The following MAK variants were observed in gnomAD, a reference collection of about 807,000 sequenced individuals.
MAK encodes male germ cell associated kinase, also known as serine/threonine-protein kinase MAK.
Under a neutral mutation model 82.6 loss-of-function variants are expected in MAK, and 65 were observed. The observed-to-expected ratio is 0.79, with a 90% CI of 0.64 to 0.97. MAK has a LOEUF of 0.97. Among genes scored for constraint, MAK ranks in the 50% least tolerant of loss-of-function variants. The pLI is 0.00. For missense variants in MAK, 703 were observed against 780.2 expected, an observed-to-expected ratio of 0.90 and a Z score of 1.18; for synonymous variants, 250 against 274.2, an observed-to-expected ratio of 0.91 and a Z score of 0.87.
intron 9 of MAK, among the ~76,000 whole-genome samples, chr6:10,792,504 CAGAG>C (rs1775172135): frequency 6.6e-6 from 1 of 152,158 alleles, no homozygotes; most frequent in Non-Finnish European, 1.5e-5. Context: ...CTAACGGAAA[CAGAG>C]AGGGAAGTAT....
At chr6:10,804,683 A>C (rs1776273301) in intron 6 of MAK, among the ~76,000 whole-genome samples, 1 of 152,178 alleles carries the variant, frequency 6.6e-6, no homozygotes, top group Non-Finnish European at 1.5e-5. Flanking sequence ...AATTTACAAG[A>C]GCAAAGTGAG....
At chr6:10,787,080 C>A (rs35284986) in intron 10 of MAK, among the ~76,000 whole-genome samples, 3,997 of 106,914 alleles carry the variant, frequency 0.037, 218 homozygotes, top group African/African-American at 0.16. Flanking sequence ...CACTCCGCTA[C>A]TTCACCAGTT....
intron 6 of MAK, among the ~76,000 whole-genome samples, chr6:10,805,664 TTCA>T (rs1289683212): frequency 6.6e-6 from 1 of 152,322 alleles, no homozygotes; most frequent in African/African-American, 2.4e-5. Context: ...TCGAATTGGT[TTCA>T]TCATATGTTG....
intron 5 of MAK, among the ~76,000 whole-genome samples, chr6:10,809,459 G>A (rs1282308787): frequency 6.6e-6 from 1 of 152,116 alleles, no homozygotes; most frequent in African/African-American, 2.4e-5. Flanking sequence ...CTAAGTAGCT[G>A]GGACCACAGG....
In MAK at chr6:10,793,859, G is replaced by A. The variant is rs969604538; in HGVS notation, c.1144-2012C>T. Among the ~76,000 whole-genome samples, 4 of 152,180 alleles carry A rather than the reference G, an allele frequency of 2.6e-5. No homozygotes were observed. Among genetic ancestry groups the A allele is most frequent in the Non-Finnish European group, 5.9e-5 (4 of 68,040 alleles). ...GGAGGACTGTCATCGTTGGTGGCAC[G>A]AGTGCACATATGGTTTAGAATGTCG... On this transcript the variant is annotated intron_variant, in intron 9 of 14. Coordinates refer to ENST00000354489, the MANE Select transcript of MAK (RefSeq NM_001242957.3). The surrounding 1 kb of genome is among the most constrained non-coding windows in gnomAD (Gnocchi z 4.6).
rs73429457 is a variant in MAK at position 10,823,382 on chromosome 6, G to C, written c.102-4442C>G. Among the ~76,000 whole-genome samples, 852 of 152,042 alleles carry C rather than the reference G, an allele frequency of 5.6e-3. 10 individuals carry two copies. Among genetic ancestry groups the C allele is most frequent in the African/African-American group, 0.02 (812 of 41,470 alleles). ...ACCCCCACTCCCAGCCCCCGACACC[G>C]GCTCTTTTGTTTAAAAGGTTTTTAG... On this transcript the variant is annotated intron_variant, in intron 2 of 14. Coordinates refer to ENST00000354489, the MANE Select transcript of MAK (RefSeq NM_001242957.3).
In MAK at chr6:10,793,590, G is replaced by A. The variant is rs140962402; in HGVS notation, c.1144-1743C>T. 2.8e-4 allele frequency among the ~76,000 whole-genome samples: 42 copies of A among 152,304 alleles called. No individual in the cohort carries two copies. The highest frequency in any genetic ancestry group is 7.7e-4 in the African/African-American group (32 of 41,572). On this transcript the variant is annotated intron_variant, in intron 9 of 14. Coordinates refer to ENST00000354489, the MANE Select transcript of MAK (RefSeq NM_001242957.3). The surrounding 1 kb of genome is among the most constrained non-coding windows in gnomAD (Gnocchi z 4.6). ...AATATGCAATTTAGGAGAAGCATTT[G>A]TGAAAAAACAGGTATACTTAGAAAT...
intron 14 of MAK, among the ~76,000 whole-genome samples, chr6:10,768,137 T>A (rs1291252765): frequency 6.6e-6 from 1 of 152,160 alleles, no homozygotes; most frequent in Non-Finnish European, 1.5e-5. Flanking sequence ...GGAATATGCA[T>A]GCTAATTGGA....
At chr6:10,836,313 G>GA (rs1040471054) in intron 1 of MAK, among the ~76,000 whole-genome samples, 4 of 152,114 alleles carry the variant, frequency 2.6e-5, no homozygotes, top group Admixed American at 2.0e-4. Flanking sequence ...CGCTCCCTAA[G>GA]AAAAAACTTT....
intron 2 of MAK, among the ~76,000 whole-genome samples, chr6:10,824,791 C>T (rs1056429312): frequency 1.3e-5 from 2 of 152,318 alleles, no homozygotes; most frequent in Middle Eastern, 3.4e-3. Flanking sequence ...CCGTACTTCC[C>T]GCTACTCCTT....
intron 1 of MAK, among the ~76,000 whole-genome samples, chr6:10,834,069 A>C (rs962692872): frequency 6.6e-6 from 1 of 152,234 alleles, no homozygotes; most frequent in Non-Finnish European, 1.5e-5. Context: ...GTTAAACAAA[A>C]CATGGACTAA....
intron 10 of MAK, among the ~76,000 whole-genome samples, chr6:10,789,458 A>AC (rs1311349601): frequency 3.9e-5 from 6 of 152,070 alleles, no homozygotes; most frequent in Admixed American, 1.3e-4. Flanking sequence ...ATGTTCTAAG[A>AC]CCCCCAGAGG....
At chr6:10,820,457 A>G (rs1038967173) in intron 2 of MAK, among the ~76,000 whole-genome samples, 1 of 152,140 alleles carries the variant, frequency 6.6e-6, no homozygotes, top group African/African-American at 2.4e-5. Flanking sequence ...ATGACTTTGG[A>G]CAAGTCACCT....
chr6:10,780,227 C>T, intron 11 of MAK: 1 of 974,992 alleles, frequency 1.0e-6, no homozygotes, highest in Non-Finnish European at 1.2e-6. Context: ...TATAGCCATC[C>T]TTCTGATCCC....
chr6:10,787,134 A>G (rs199578679), intron 10 of MAK, among the ~76,000 whole-genome samples: 3,130 of 143,292 alleles, frequency 0.022, 87 homozygotes, highest in African/African-American at 0.056. Context: ...TTCACCTCCT[A>G]TTCACCACTC....
intron 8 of MAK, 66 bp from the exon 9 acceptor site, chr6:10,796,375 A>G: frequency 7.3e-7 from 1 of 1,362,028 alleles, no homozygotes; most frequent in South Asian, 1.2e-5. Context: ...CACATAAACT[A>G]TGGTTGGCCC....
chr6:10,782,566 G>T (rs1427793065), intron 11 of MAK, among the ~76,000 whole-genome samples: 3 of 148,888 alleles, frequency 2.0e-5, no homozygotes, highest in Non-Finnish European at 4.4e-5. Flanking sequence ...GCAAGAGAGG[G>T]TCCCAACTGG....
chr6:10,823,366 C>G (rs987671649), intron 2 of MAK, among the ~76,000 whole-genome samples: 1 of 152,146 alleles, frequency 6.6e-6, no homozygotes, highest in Non-Finnish European at 1.5e-5. Flanking sequence ...AACCCCCACT[C>G]CCAGCCCCCG....
chr6:10,817,152 G>GTGTGTGTA (rs1475559358), intron 4 of MAK, among the ~76,000 whole-genome samples: 1 of 151,996 alleles, frequency 6.6e-6, no homozygotes, highest in Non-Finnish European at 1.5e-5. Context: ...GTGTGTGTGT[G>GTGTGTGTA]TAAGAATCAA....
Sources: allele counts gnomAD v4.1 joint callset (sites outside exome capture counted in the v4.1 genomes callset), GRCh38; gene constraint gnomAD v4.1.1; non-coding constraint Gnocchi (gnomAD v3.1); transcripts MANE v1.5; gene names NCBI Gene and HGNC (gene_info 2026-07-23, HGNC 2026-07-21).